The following TNFRSF13B variants were observed in gnomAD, a reference collection of about 807,000 sequenced individuals.
TNFRSF13B encodes TNF receptor superfamily member 13B.
A neutral mutation model predicts 24.0 loss-of-function variants in TNFRSF13B; 34 were observed. The ratio of observed to expected loss-of-function variants is 1.41; its 90% CI spans 1.08 to 1.88. TNFRSF13B has a LOEUF of 1.88. Ranked by LOEUF, TNFRSF13B falls within the 40% of genes most tolerant of loss-of-function variation. The pLI is 0.00. For missense variants in TNFRSF13B, 415 were observed against 380.8 expected (o/e 1.09, Z -0.75); for synonymous variants, 173 against 150.3 (o/e 1.15, Z -1.10).
intron 3 of TNFRSF13B, chr17:16,940,964 C>A: frequency 9.5e-7 from 1 of 1,056,048 alleles, no homozygotes; most frequent in Non-Finnish European, 1.1e-6. Context: ...CCTACAGATA[C>A]CAAAATCCGC....
intron 3 of TNFRSF13B, 69 bp downstream of exon 3, chr17:16,948,669 C>G: frequency 6.2e-7 from 1 of 1,609,984 alleles, no homozygotes; most frequent in East Asian, 2.2e-5. Context: ...CTGTTCTAGG[C>G]CTGGCATCAG....
At chr17:16,947,511 CAAAT>C (rs1386178455) in intron 3 of TNFRSF13B, among the ~76,000 whole-genome samples, 2 of 152,142 alleles carry the variant, frequency 1.3e-5, no homozygotes, top group African/African-American at 4.8e-5. Flanking sequence ...AAGCAAACAA[CAAAT>C]AACCCCACTA....
At chr17:16,957,428 A>G (rs919789083) in intron 1 of TNFRSF13B, among the ~76,000 whole-genome samples, 1 of 152,114 alleles carries the variant, frequency 6.6e-6, no homozygotes, top group African/African-American at 2.4e-5. Flanking sequence ...AATGGCAGAA[A>G]AAGTATTTGA....
chr17:16,967,536 C>T (rs1203313580), intron 1 of TNFRSF13B, among the ~76,000 whole-genome samples: 3 of 151,390 alleles, frequency 2.0e-5, no homozygotes, highest in South Asian at 2.1e-4. Context: ...TGGCGGATCA[C>T]GAGGTCAGGC....
At chr17:16,940,022 C>A in intron 4 of TNFRSF13B, 1 of 954,780 alleles carries the variant, frequency 1.0e-6, no homozygotes, top group Non-Finnish European at 1.5e-6. Context: ...AGCACCGAGC[C>A]TGCCACGCCC....
chr17:16,961,801 A>C (rs990414530), intron 1 of TNFRSF13B, among the ~76,000 whole-genome samples: 1 of 152,238 alleles, frequency 6.6e-6, no homozygotes, highest in African/African-American at 2.4e-5. Context: ...AAAGTTTAGG[A>C]TAGAAAGTTA....
intron 3 of TNFRSF13B, among the ~76,000 whole-genome samples, chr17:16,947,638 C>T (rs1311966355): frequency 6.6e-6 from 1 of 152,134 alleles, no homozygotes; most frequent in Non-Finnish European, 1.5e-5. Flanking sequence ...CAAATCAAAA[C>T]CACAATGAGG....
chr17:16,958,778 G>A (rs905634112), intron 1 of TNFRSF13B, among the ~76,000 whole-genome samples: 1 of 151,996 alleles, frequency 6.6e-6, no homozygotes, highest in African/African-American at 2.4e-5. Flanking sequence ...AATTATAAAT[G>A]TATACACACC....
intron 1 of TNFRSF13B, 82 bp downstream of exon 1, chr17:16,971,933 A>G: frequency 4.2e-6 from 6 of 1,429,302 alleles, no homozygotes; most frequent in East Asian, 2.3e-5. Flanking sequence ...CACCTGCTGG[A>G]CCTTGCAACC....
At chr17:16,968,697 A>G (rs531625351) in intron 1 of TNFRSF13B, among the ~76,000 whole-genome samples, 26 of 152,372 alleles carry the variant, frequency 1.7e-4, no homozygotes, top group Non-Finnish European at 3.1e-4. Context: ...GATTGATCAA[A>G]ATTGGACTTA....
Position 16,939,788 on chromosome 17 carries a change from A to G in TNFRSF13B, c.641T>C (p.Met214Thr), listed in dbSNP as rs144560464. The change falls in exon 5 of 5, where the codon ATG (methionine) becomes ACG (threonine). Residue 214 changes from methionine to threonine, a missense_variant. By Grantham distance (81) the Met-to-Thr change is moderately conservative. Transcript: ENST00000261652. ...SPAKSSQDHA[M>T]EAGSPVSTSP... ...TGTGCTCACAGGGCTGCCGGCTTCC[A>G]TCGCGTGATCTGCAGAGGCGAGAGT... The G allele has an allele frequency of 5.2e-5, 83 of 1,611,354 alleles. No individual in the cohort carries two copies. In the African/African-American group the frequency reaches 1.1e-3, roughly 21 times the overall value.
At chr17:16,971,361 C>CAAAAGCAA (rs1555550674) in intron 1 of TNFRSF13B, among the ~76,000 whole-genome samples, 1 of 150,924 alleles carries the variant, frequency 6.6e-6, no homozygotes, top group Non-Finnish European at 1.5e-5. Flanking sequence ...AAAACAAAAA[C>CAAAAGCAA]AAAAACAAAA....
intron 1 of TNFRSF13B, among the ~76,000 whole-genome samples, chr17:16,963,786 C>A (rs572328498): frequency 2.5e-4 from 38 of 152,198 alleles, no homozygotes; most frequent in Middle Eastern, 3.4e-3. Flanking sequence ...TCCTGACCTC[C>A]TGATCCACCC....
intron 1 of TNFRSF13B, among the ~76,000 whole-genome samples, chr17:16,963,922 G>C (rs2087681179): frequency 6.6e-6 from 1 of 152,190 alleles, no homozygotes; most frequent in Admixed American, 6.5e-5. Context: ...GCTCACCAGT[G>C]GGGTAGGGGC....
intron 4 of TNFRSF13B, chr17:16,940,113 C>G (rs900120851): frequency 3.8e-6 from 5 of 1,311,260 alleles, no homozygotes; most frequent in Non-Finnish European, 5.1e-6. Flanking sequence ...ACCTGAAGAC[C>G]GGCACCCCAC....
chr17:16,952,319 G>C (rs1234825953), intron 2 of TNFRSF13B, 127 bp downstream of exon 2: 1 of 1,368,138 alleles, frequency 7.3e-7, no homozygotes, highest in East Asian at 2.4e-5. Context: ...GGGGTAAGAG[G>C]TGCCACACTG....
chr17:16,970,638 G>T (rs1252980226), intron 1 of TNFRSF13B, among the ~76,000 whole-genome samples: 1 of 152,078 alleles, frequency 6.6e-6, no homozygotes. Flanking sequence ...ACACTGAGGG[G>T]AAGCGGCTCA....
chr17:16,959,486 C>T (rs2087647010), intron 1 of TNFRSF13B, among the ~76,000 whole-genome samples: 1 of 151,568 alleles, frequency 6.6e-6, no homozygotes, highest in African/African-American at 2.4e-5. Flanking sequence ...AATACTAGAG[C>T]AGAGATCAAT....
Position 16,948,985 on chromosome 17 carries a change from T to C in TNFRSF13B, c.200-2A>G, listed in dbSNP as rs1434385525. 1 of 1,613,878 alleles carries C rather than the reference T, an allele frequency of 6.2e-7. No individual in the cohort carries two copies. Among genetic ancestry groups the C allele is most frequent in the Admixed American group, 1.7e-5 (1 of 59,996 alleles). ...GCTCCTTGCGGCAGCTGAGTGACCC[T>C]GGGAGAGAGAAATTCATGATACTGC... On this transcript the variant is annotated splice_acceptor_variant, in intron 2 of 4. Coordinates refer to ENST00000261652, the MANE Select transcript of TNFRSF13B (RefSeq NM_012452.3). LOFTEE classifies it high-confidence loss of function.
Sources: gnomAD v4.1 joint callset for allele counts (sites outside exome capture counted in the v4.1 genomes callset) on GRCh38, gnomAD v4.1.1 for gene constraint, MANE v1.5 for transcripts, NCBI Gene and HGNC (gene_info 2026-07-23, HGNC 2026-07-21) for gene names.